DLG2: variants seen among roughly 807,000 people sequenced by gnomAD.
The protein encoded by DLG2 is disks large homolog 2.
In DLG2, 45 loss-of-function variants were observed where a neutral mutation model predicts 132.5. The ratio of observed to expected loss-of-function variants is 0.34; its 90% CI spans 0.27 to 0.44. The LOEUF (loss-of-function observed/expected upper bound fraction) is 0.44, where lower values mean the gene tolerates loss of function less well. Among genes scored for constraint, DLG2 ranks in the 20% least tolerant of loss-of-function variants. The pLI, the probability that DLG2 is intolerant of heterozygous loss-of-function variation, is 1.00. For synonymous variants in DLG2, 424 were observed against 419.6 expected (o/e 1.01, Z -0.13); for missense variants, 1,045 against 1,196.9 (o/e 0.87, Z 1.87).
chr11:84,179,559 G>A (rs557466915), intron 8 of DLG2, among the ~76,000 whole-genome samples: 35 of 152,250 alleles, frequency 2.3e-4, no homozygotes, highest in African/African-American at 6.5e-4. Flanking sequence ...GGGCCGCCAC[G>A]CTTTTGTGAG....
chr11:84,731,624 C>CTGA lies in DLG2; in HGVS notation c.358-196894_358-196893insTCA, dbSNP rs1332632675. On this transcript the variant is annotated intron_variant, in intron 6 of 27. Coordinates refer to ENST00000376104, the MANE Select transcript of DLG2 (RefSeq NM_001142699.3). Reference sequence around the variant, plus strand: ...AGAACATGGGAAGGACTGAGATAAACGTAATACAGAAAATAAGGGGAAATA... The same window carrying CTGA: ...AGAACATGGGAAGGACTGAGATAAACTGAGTAATACAGAAAATAAGGGGAAATA... Among the ~76,000 whole-genome samples the CTGA allele has an allele frequency of 7.9e-5, 12 of 151,720 alleles. No individual in the cohort carries two copies. In the East Asian group the frequency reaches 2.1e-3, roughly 27 times the overall value.
chr11:84,694,367 G>C (rs1298832727), intron 6 of DLG2, among the ~76,000 whole-genome samples: 3 of 151,616 alleles, frequency 2.0e-5, no homozygotes, highest in Non-Finnish European at 4.4e-5. Context: ...TTAGTAATTT[G>C]AGAATACAGC....
chr11:83,960,588 T>G (rs1207277513), intron 14 of DLG2, among the ~76,000 whole-genome samples: 1 of 151,850 alleles, frequency 6.6e-6, no homozygotes, highest in African/African-American at 2.4e-5. Context: ...ATGGAGGGGG[T>G]TCTGCATAAA....
At chr11:85,032,941 A>T (rs2061146444) in intron 6 of DLG2, among the ~76,000 whole-genome samples, 1 of 152,180 alleles carries the variant, frequency 6.6e-6, no homozygotes, top group East Asian at 1.9e-4. Context: ...ATCTGTTACC[A>T]CATGTCCTAC....
At chr11:84,089,401 T>C (rs1420692472) in intron 10 of DLG2, among the ~76,000 whole-genome samples, 3 of 152,218 alleles carry the variant, frequency 2.0e-5, no homozygotes, top group Non-Finnish European at 4.4e-5. Flanking sequence ...GTGTTTCCTT[T>C]TCCTCCCCTC....
intron 7 of DLG2, among the ~76,000 whole-genome samples, chr11:84,342,456 T>C (rs1162129985): frequency 6.6e-6 from 1 of 152,234 alleles, no homozygotes; most frequent in African/African-American, 2.4e-5. Context: ...TTTTTAATAA[T>C]TTGTGAATCA....
At chr11:83,822,573 T>G (rs2051133454) in intron 17 of DLG2, among the ~76,000 whole-genome samples, 1 of 152,142 alleles carries the variant, frequency 6.6e-6, no homozygotes. Context: ...GATGTTCCAG[T>G]TGGGAATTTA....
At chr11:83,611,805 G>A (rs1409930510) in intron 19 of DLG2, among the ~76,000 whole-genome samples, 1 of 152,158 alleles carries the variant, frequency 6.6e-6, no homozygotes, top group Non-Finnish European at 1.5e-5. Flanking sequence ...GGACACTGAG[G>A]GCTTGTTGCC....
chr11:84,982,454 C>T (rs900953440), intron 6 of DLG2, among the ~76,000 whole-genome samples: 1 of 152,070 alleles, frequency 6.6e-6, no homozygotes, highest in South Asian at 2.1e-4. Flanking sequence ...CTTAAAACCC[C>T]ATGCCCCATA....
chr11:83,469,637 A>G (rs1174374222), intron 24 of DLG2, among the ~76,000 whole-genome samples: 1 of 152,170 alleles, frequency 6.6e-6, no homozygotes, highest in African/African-American at 2.4e-5. Flanking sequence ...CATATGAGAG[A>G]GCATTCACCC....
chr11:85,565,444 A>G (rs1287064336), intron 3 of DLG2, among the ~76,000 whole-genome samples: 1 of 152,124 alleles, frequency 6.6e-6, no homozygotes, highest in African/African-American at 2.4e-5. Flanking sequence ...AGCAACCATT[A>G]CCACTATATA....
chr11:85,531,881 C>A (rs2075236942), intron 3 of DLG2, among the ~76,000 whole-genome samples: 1 of 152,114 alleles, frequency 6.6e-6, no homozygotes, highest in Non-Finnish European at 1.5e-5. Context: ...CTAATATGTT[C>A]CCTATTTTAT....
chr11:83,483,273 CCGT>C, intron 22 of DLG2: 1 of 1,612,952 alleles, frequency 6.2e-7, no homozygotes. Context: ...TGTTCCATAA[CCGT>C]CGTCACCTAA....
At chr11:83,473,637 C>T (rs2092324682) in intron 22 of DLG2, among the ~76,000 whole-genome samples, 1 of 151,898 alleles carries the variant, frequency 6.6e-6, no homozygotes, top group Non-Finnish European at 1.5e-5. Context: ...TTTGGAACAG[C>T]AATAGGTTAG....
intron 18 of DLG2, among the ~76,000 whole-genome samples, chr11:83,757,012 C>T (rs2093676098): frequency 6.6e-6 from 1 of 152,176 alleles, no homozygotes; most frequent in Non-Finnish European, 1.5e-5. Context: ...GCATATGTGG[C>T]AAGTGTGCCT....
At chr11:84,695,797 G>A (rs965285415) in intron 6 of DLG2, among the ~76,000 whole-genome samples, 3 of 151,424 alleles carry the variant, frequency 2.0e-5, no homozygotes, top group African/African-American at 4.8e-5. Context: ...ATTAACATAT[G>A]CTGAGTAATA....
At chr11:83,600,863 G>A (rs1258438200) in intron 19 of DLG2, among the ~76,000 whole-genome samples, 1 of 152,216 alleles carries the variant, frequency 6.6e-6, no homozygotes, top group Non-Finnish European at 1.5e-5. Flanking sequence ...GTGTGATAGA[G>A]GCTGTTGAGA....
At chr11:83,904,703 T>C (rs1476314137) in intron 15 of DLG2, among the ~76,000 whole-genome samples, 1 of 152,088 alleles carries the variant, frequency 6.6e-6, no homozygotes, top group Admixed American at 6.6e-5. Context: ...AATGCATTTC[T>C]CCATAGTAAA....
chr11:83,931,861 G>C (rs2080301897), intron 14 of DLG2, among the ~76,000 whole-genome samples: 1 of 152,092 alleles, frequency 6.6e-6, no homozygotes, highest in Non-Finnish European at 1.5e-5. Flanking sequence ...GTTTCATAGT[G>C]GACTGATATT....
Sources: gnomAD v4.1 joint callset for allele counts (sites outside exome capture counted in the v4.1 genomes callset) on GRCh38, gnomAD v4.1.1 for gene constraint, MANE v1.5 for transcripts, NCBI Gene and HGNC (gene_info 2026-07-23, HGNC 2026-07-21) for gene names.